The following PDE8A variants were observed in gnomAD, a reference collection of about 807,000 sequenced individuals.
PDE8A encodes high affinity cAMP-specific and IBMX-insensitive 3',5'-cyclic phosphodiesterase 8A.
PDE8A carries 59 observed loss-of-function variants against 105.0 expected under a neutral mutation model. That is an observed-to-expected ratio of 0.56 (90% CI 0.46 to 0.70). The LOEUF is 0.70. Ranked by LOEUF, PDE8A falls within the 30% of genes least tolerant of loss-of-function variation. The pLI is 0.00. For synonymous variants in PDE8A, 355 were observed against 371.9 expected (o/e 0.95, Z 0.52); for missense variants, 1,014 against 1,045.9 (o/e 0.97, Z 0.42).
At chr15:85,051,201 G>C (rs1057403906) in intron 1 of PDE8A, among the ~76,000 whole-genome samples, 1 of 152,110 alleles carries the variant, frequency 6.6e-6, no homozygotes, top group African/African-American at 2.4e-5. Context: ...ACAGGCTTTT[G>C]TGTATGTGTG....
rs141869259 is a variant in PDE8A at position 85,101,905 on chromosome 15, G to C, written c.1036+1707G>C. ...TCTACCTGTGAGGTCCTGGTGGGCAGTCAGGTGGGTTTGTTTGTTCACCCC... is the reference window on the plus strand; with the variant it reads ...TCTACCTGTGAGGTCCTGGTGGGCACTCAGGTGGGTTTGTTTGTTCACCCC... On this transcript the variant is annotated intron_variant, in intron 11 of 21. Transcript: ENST00000394553. 5.8e-3 allele frequency among the ~76,000 whole-genome samples: 881 copies of C among 152,332 alleles called. 3 individuals are homozygous for C. Among genetic ancestry groups the C allele is most frequent in the Admixed American group, 0.011 (161 of 15,310 alleles).
intron 1 of PDE8A, among the ~76,000 whole-genome samples, chr15:84,999,121 C>CTTTTTT (rs35710429): frequency 2.3e-5 from 3 of 131,502 alleles, no homozygotes; most frequent in Non-Finnish European, 3.2e-5. Context: ...AGGTCACATT[C>CTTTTTT]TTTTTTTTTT....
chr15:84,996,073 A>C (rs1227688182), intron 1 of PDE8A, among the ~76,000 whole-genome samples: 2 of 152,232 alleles, frequency 1.3e-5, no homozygotes, highest in African/African-American at 4.8e-5. Flanking sequence ...TTATTACTTA[A>C]AAGAACTTTT....
At chr15:85,088,272 G>A (rs965381508) in intron 6 of PDE8A, among the ~76,000 whole-genome samples, 1 of 152,106 alleles carries the variant, frequency 6.6e-6, no homozygotes, top group Non-Finnish European at 1.5e-5. Context: ...TGATCCACCC[G>A]CCTCAGCCTC....
chr15:85,028,380 A>G (rs1395025398), intron 1 of PDE8A, among the ~76,000 whole-genome samples: 2 of 151,956 alleles, frequency 1.3e-5, no homozygotes, highest in Non-Finnish European at 2.9e-5. Context: ...ACAACTGGCT[A>G]ATTATTTTAT....
chr15:84,993,910 A>G (rs956121078), intron 1 of PDE8A, among the ~76,000 whole-genome samples: 2 of 152,086 alleles, frequency 1.3e-5, no homozygotes, highest in Non-Finnish European at 2.9e-5. Context: ...AAACAAAAAT[A>G]TTTTTTAAGC....
At position 85,066,672 on chromosome 15, in the gene PDE8A, C is replaced by T. The variant is rs186939675; in HGVS notation, c.244-342C>T. 7.3e-5 allele frequency among the ~76,000 whole-genome samples: 11 copies of T among 151,644 alleles called. No individual in the cohort carries two copies. In the East Asian group the frequency reaches 2.1e-3, roughly 30 times the overall value. On this transcript the variant is annotated intron_variant, in intron 2 of 21. Coordinates refer to ENST00000394553, the MANE Select transcript of PDE8A (RefSeq NM_002605.3). ...TGACGATTCTGACCAGGCGCGGTGGCTCACGCCTGTAATCCCAACACTTTG... is the reference window on the plus strand; with the variant it reads ...TGACGATTCTGACCAGGCGCGGTGGTTCACGCCTGTAATCCCAACACTTTG...
intron 1 of PDE8A, among the ~76,000 whole-genome samples, chr15:85,027,466 T>A (rs2080537460): frequency 6.6e-6 from 1 of 152,158 alleles, no homozygotes; most frequent in Non-Finnish European, 1.5e-5. Flanking sequence ...AAGGAAATAC[T>A]GAGATTGGGG....
Position 85,089,375 on chromosome 15 carries a change from G to A in PDE8A, c.673G>A (p.Glu225Lys). 2 of 1,596,598 alleles carry A rather than the reference G, an allele frequency of 1.3e-6. No individual in the cohort carries two copies. Among genetic ancestry groups the A allele is most frequent in the Non-Finnish European group, 8.6e-7 (1 of 1,166,334 alleles). ...AGTATTCACTGCATTAGAAAACAGT[G>A]AAGATGCAATTGAAATTACAAGCGA... ...NSVFTALENS[E>K]DAIEITSEDR... Residue 225 changes from glutamate to lysine, a missense_variant, in exon 7 of 22, where the codon GAA becomes AAA. Physicochemically the swap from Glu to Lys is moderately conservative, Grantham distance 56. Transcript: ENST00000394553.
At chr15:85,007,489 C>CT (rs771316824) in intron 1 of PDE8A, among the ~76,000 whole-genome samples, 29 of 151,242 alleles carry the variant, frequency 1.9e-4, no homozygotes, top group Non-Finnish European at 4.1e-4. Context: ...AAAAATAAAT[C>CT]TATTAGTACA....
intron 3 of PDE8A, 33 bp from the exon 4 acceptor site, chr15:85,075,826 TTTA>T: frequency 8.4e-7 from 1 of 1,191,086 alleles, no homozygotes. Flanking sequence ...AAGGATTATT[TTTA>T]TATTTATTTT....
At chr15:85,060,323 C>A (rs1044397968) in intron 1 of PDE8A, among the ~76,000 whole-genome samples, 10 of 152,104 alleles carry the variant, frequency 6.6e-5, no homozygotes, top group African/African-American at 2.4e-4. Context: ...TGCTTTATTC[C>A]CACCCTTTTC....
intron 1 of PDE8A, among the ~76,000 whole-genome samples, chr15:84,989,010 A>G (rs930716): frequency 0.47 from 70,809 of 152,134 alleles, 18,043 homozygotes; most frequent in South Asian, 0.6. Context: ...ACAGAAAGCT[A>G]AAATACCCTT....
chr15:85,102,128 A>G (rs1240935338), intron 11 of PDE8A, among the ~76,000 whole-genome samples: 1 of 152,146 alleles, frequency 6.6e-6, no homozygotes, highest in Non-Finnish European at 1.5e-5. Context: ...AGAGAACAGC[A>G]AGAAAAGGAG....
intron 1 of PDE8A, among the ~76,000 whole-genome samples, chr15:85,022,156 G>A (rs977965211): frequency 1.3e-5 from 2 of 152,188 alleles, no homozygotes; most frequent in Non-Finnish European, 2.9e-5. Flanking sequence ...CTCATGGGTA[G>A]CATGTTTTGA....
chr15:84,981,403 G>A (rs1248995069), upstream of PDE8A, among the ~76,000 whole-genome samples: 1 of 152,124 alleles, frequency 6.6e-6, no homozygotes, highest in Non-Finnish European at 1.5e-5. Context: ...AGCCGGAGCC[G>A]TACCGCCAGC....
chr15:85,102,962 T>C (rs2081889955), intron 11 of PDE8A, among the ~76,000 whole-genome samples: 1 of 152,104 alleles, frequency 6.6e-6, no homozygotes, highest in Non-Finnish European at 1.5e-5. Context: ...GGCTCACACC[T>C]CTAATCCTAG....
intron 1 of PDE8A, among the ~76,000 whole-genome samples, chr15:85,023,583 T>C (rs917630619): frequency 1.3e-5 from 2 of 151,400 alleles, no homozygotes; most frequent in Non-Finnish European, 3.0e-5. Flanking sequence ...CAGAGAATTA[T>C]TGGAGGAGGA....
At chr15:85,098,265 G>A (rs1194390474) in intron 9 of PDE8A, among the ~76,000 whole-genome samples, 1 of 152,330 alleles carries the variant, frequency 6.6e-6, no homozygotes, top group South Asian at 2.1e-4. Flanking sequence ...TTTAAGCTGC[G>A]TGGATACACA....
Sources: allele counts gnomAD v4.1 joint callset (sites outside exome capture counted in the v4.1 genomes callset), GRCh38; gene constraint gnomAD v4.1.1; transcripts MANE v1.5; gene names NCBI Gene and HGNC (gene_info 2026-07-23, HGNC 2026-07-21).